Variants in TENM2 observed in about 807,000 individuals in gnomAD.
TENM2 encodes the protein teneurin transmembrane protein 2, also known as teneurin-2.
In TENM2, 52 loss-of-function variants were observed where a neutral mutation model predicts 245.2. That is an observed-to-expected ratio of 0.21 (90% CI 0.17 to 0.27). The LOEUF is 0.27. TENM2 is among the 10% of genes least tolerant of loss of function. The probability of loss-of-function intolerance (pLI) is 1.00; values close to 1 mark genes in which losing one functional copy is unlikely to be tolerated. For missense variants in TENM2, 3,046 were observed against 3,666.8 expected (o/e 0.83, Z 4.37); for synonymous variants, 1,363 against 1,438.9 (o/e 0.95, Z 1.19).
chr5:167,306,516 C>CG (rs1003692779), intron 1 of TENM2: 2 of 151,934 alleles, frequency 1.3e-5, no homozygotes, highest in African/African-American at 4.8e-5. Flanking sequence ...ACTAGAAAAT[C>CG]GTCTGTTGTC....
the TENM2 span, among the ~76,000 whole-genome samples, chr5:167,242,519 C>T: frequency 6.6e-6 from 1 of 152,130 alleles, no homozygotes; most frequent in Non-Finnish European, 1.5e-5. Context: ...TCCTCCTCTG[C>T]TGCCCCTAAG....
chr5:167,797,852 G>GA (rs199871596), intron 2 of TENM2, among the ~76,000 whole-genome samples: 9 of 151,302 alleles, frequency 5.9e-5, no homozygotes, highest in South Asian at 2.1e-4. Context: ...ACAGCTGCAG[G>GA]AAAAAAAAAT....
chr5:167,364,874 T>A (rs1759948101), intron 1 of TENM2, among the ~76,000 whole-genome samples: 1 of 151,964 alleles, frequency 6.6e-6, no homozygotes, highest in Non-Finnish European at 1.5e-5. Context: ...AACTACAGAT[T>A]TAACTCTTTT....
rs1279579080 is a variant in TENM2, at chr5:167,973,312, GCTAA to G, written c.948-19627_948-19624del. On this transcript the variant is annotated intron_variant, in intron 4 of 28. Transcript: ENST00000518659. ...ACTTTATCTGAAACTCTGATTTTAT[GCTAA>G]CTAAGGATTTTTGTATTTCCCACCT... 5.9e-5 allele frequency among the ~76,000 whole-genome samples: 9 copies of G among 152,252 alleles called. No individual in the cohort carries two copies. In the East Asian group the frequency reaches 9.7e-4, roughly 16 times the overall value.
intron 23 of TENM2, among the ~76,000 whole-genome samples, chr5:168,224,587 G>A (rs1260313216): frequency 6.6e-6 from 1 of 152,088 alleles, no homozygotes; most frequent in South Asian, 2.1e-4. Context: ...GGCCACAGCG[G>A]TCCTTTCCAC....
the TENM2 span, among the ~76,000 whole-genome samples, chr5:166,979,194 C>CCACCAGCAGCAGCAGCAGCAGCAGCAG: frequency 7.0e-6 from 1 of 142,044 alleles, no homozygotes; most frequent in African/African-American, 2.8e-5. Context: ...AGCACCACCA[C>CCACCAGCAGCAGCAGCAGCAGCAGCAG]CAGCAGCAGC....
intron 2 of TENM2, among the ~76,000 whole-genome samples, chr5:167,682,124 C>G (rs28504493): frequency 0.37 from 44,582 of 119,512 alleles, 10,636 homozygotes; most frequent in East Asian, 0.9. Flanking sequence ...CTCCCTCCCT[C>G]CCTGCCTGCC....
At chr5:167,746,399 G>A (rs943393263) in intron 2 of TENM2, among the ~76,000 whole-genome samples, 35 of 152,108 alleles carry the variant, frequency 2.3e-4, no homozygotes, top group African/African-American at 8.5e-4. Flanking sequence ...ATAGATCGAT[G>A]CAAATGTATC....
chr5:167,467,527 A>C (rs565696524), intron 2 of TENM2, among the ~76,000 whole-genome samples: 39 of 152,094 alleles, frequency 2.6e-4, no homozygotes, highest in African/African-American at 9.4e-4. Context: ...AAAAAAAAAA[A>C]AAAACAGTAA....
intron 3 of TENM2, among the ~76,000 whole-genome samples, chr5:167,893,692 C>T (rs1212616707): frequency 1.3e-5 from 2 of 150,570 alleles, no homozygotes; most frequent in African/African-American, 2.4e-5. Flanking sequence ...AAGAATGTTG[C>T]TTAATGAAAT....
chr5:167,507,765 C>A (rs1769653883), intron 2 of TENM2, among the ~76,000 whole-genome samples: 2 of 151,916 alleles, frequency 1.3e-5, no homozygotes, highest in Admixed American at 6.6e-5. Context: ...TAGTGATTTG[C>A]CAATAAATAA....
the TENM2 span, among the ~76,000 whole-genome samples, chr5:167,171,271 G>T: frequency 2.0e-5 from 3 of 151,982 alleles, no homozygotes; most frequent in Admixed American, 6.6e-5. Flanking sequence ...CATTTGTTCC[G>T]CCTGGTAGCT....
intron 2 of TENM2, among the ~76,000 whole-genome samples, chr5:167,820,431 C>G (rs1008805452): frequency 3.3e-5 from 5 of 152,160 alleles, no homozygotes; most frequent in Non-Finnish European, 5.9e-5. Context: ...TCCCGGCTCC[C>G]GGCACAGCCT....
In TENM2 at chr5:167,876,213, T is replaced by C; in HGVS notation, c.712+18T>C. The stretch of plus-strand genomic sequence containing the variant: ...CAGCAGTGGTAAGGAAACTCCGTGG[T>C]GTCTGAATGTGTGGTGTTTCGTGAG... On this transcript the variant is annotated intron_variant, in intron 3 of 28. Transcript: ENST00000518659. The C allele has an allele frequency of 6.5e-7, 1 of 1,529,672 alleles. No individual in the cohort carries two copies. Among genetic ancestry groups the C allele is most frequent in the Non-Finnish European group, 8.9e-7 (1 of 1,127,454 alleles). 94.8% of individuals were successfully genotyped at this position (1,529,672 alleles called of 1,614,324 possible).
chr5:167,807,628 A>ATTT (rs1491566051), intron 2 of TENM2, among the ~76,000 whole-genome samples: 101 of 35,316 alleles, frequency 2.9e-3, no homozygotes, highest in African/African-American at 6.2e-3. Flanking sequence ...TTTTTTTAAA[A>ATTT]AAAAAAAAAA....
At chr5:167,421,891 C>A (rs553563554) in intron 2 of TENM2, among the ~76,000 whole-genome samples, 76 of 152,266 alleles carry the variant, frequency 5.0e-4, no homozygotes, top group African/African-American at 1.8e-3. Context: ...CTCCCAGGTT[C>A]AAGCAATTCT....
At chr5:167,785,923 G>C (rs182081404) in intron 2 of TENM2, among the ~76,000 whole-genome samples, 1 of 152,270 alleles carries the variant, frequency 6.6e-6, no homozygotes, top group Admixed American at 6.5e-5. Flanking sequence ...AAGCATGAGT[G>C]GGGTGGGGGA....
chr5:168,111,615 G>A (rs745366260), intron 9 of TENM2, among the ~76,000 whole-genome samples: 8 of 152,074 alleles, frequency 5.3e-5, no homozygotes, highest in Non-Finnish European at 1.0e-4. Context: ...AAACTGAGAT[G>A]CCAAGGTCAA....
At chr5:167,031,851 A>T in the TENM2 span, among the ~76,000 whole-genome samples, 2 of 152,208 alleles carry the variant, frequency 1.3e-5, no homozygotes, top group Non-Finnish European at 2.9e-5. Flanking sequence ...GGTTTGAGCC[A>T]CTGCCCCCAG....
Sources: gnomAD v4.1 joint callset for allele counts (sites outside exome capture counted in the v4.1 genomes callset) on GRCh38, gnomAD v4.1.1 for gene constraint, MANE v1.5 for transcripts, NCBI Gene and HGNC (gene_info 2026-07-23, HGNC 2026-07-21) for gene names.